Variants in BICRAL observed in about 807,000 individuals in gnomAD.
BICRAL encodes BICRA like chromatin remodeling complex associated protein.
Under a neutral mutation model 91.8 loss-of-function variants are expected in BICRAL, and 8 were observed. The ratio of observed to expected loss-of-function variants is 0.09; its 90% CI spans 0.05 to 0.16. The LOEUF is 0.16. BICRAL is among the 10% of genes least tolerant of loss of function. The pLI is 1.00. For synonymous variants in BICRAL, 445 were observed against 491.1 expected (o/e 0.91, Z 1.24); for missense variants, 1,038 against 1,310.9 (o/e 0.79, Z 3.21).
At chr6:42,835,881 G>A (rs1764622881) in intron 6 of BICRAL, among the ~76,000 whole-genome samples, 1 of 152,206 alleles carries the variant, frequency 6.6e-6, no homozygotes, top group African/African-American at 2.4e-5. Context: ...CACTGAGGGT[G>A]ATGGCACCAC....
intron 6 of BICRAL, among the ~76,000 whole-genome samples, chr6:42,842,791 T>C (rs1156580650): frequency 6.6e-6 from 1 of 152,086 alleles, no homozygotes; most frequent in Admixed American, 6.6e-5. Context: ...ACCTACCACA[T>C]GCCAGCCCCA....
rs1204383432 is a variant in BICRAL, at chr6:42,867,930, T to A, written c.*2484T>A. ...CTCCTGTGATTAGGTTCTACGCACATGGGTCATAACTCGCATGTCGAGCCC... is the reference window on the plus strand; with the variant it reads ...CTCCTGTGATTAGGTTCTACGCACAAGGGTCATAACTCGCATGTCGAGCCC... On this transcript the variant is annotated 3_prime_UTR_variant, in exon 13 of 13. Transcript: ENST00000314073. 1 of 152,580 alleles carries A rather than the reference T, an allele frequency of 6.6e-6. No individual in the cohort carries two copies. The highest frequency in any genetic ancestry group is 1.5e-5 in the Non-Finnish European group (1 of 68,028). The allele number at this position is 152,580 out of a possible 1,614,324, so 9.5% of individuals were successfully genotyped here.
At chr6:42,800,336 T>A (rs6458309) in intron 1 of BICRAL, among the ~76,000 whole-genome samples, 69,881 of 151,568 alleles carry the variant, frequency 0.46, 17,348 homozygotes, top group African/African-American at 0.65. Flanking sequence ...GTGATTTTTT[T>A]AATTTTTAGT....
Position 42,812,998 on chromosome 6 carries a change from GCACTGCTGCTTGGGCAGCAGAGCAAA to G in BICRAL, c.-6+2598_-6+2623del, listed in dbSNP as rs568475669. 2.2e-3 allele frequency among the ~76,000 whole-genome samples: 334 copies of G among 152,308 alleles called. 4 individuals carry two copies. The highest frequency in any genetic ancestry group is 7.8e-3 in the African/African-American group (325 of 41,564). On this transcript the variant is annotated intron_variant, in intron 2 of 12. Transcript: ENST00000314073. ...TGCAATCCGCTGTGATCCTGCCACT[GCACTGCTGCTTGGGCAGCAGAGCAAA>G]ACCCTGTCTCAAGAAAATTAGTAAA...
rs1199307376 is a variant in BICRAL, at chr6:42,808,564, A to G, written c.-101-1742A>G. On this transcript the variant is annotated intron_variant, in intron 1 of 12. Transcript: ENST00000314073. ...CCATTGTTGATGATCATTCCTTTAT[A>G]ATAGATGACAAGTCATGGACTTCTG... Among the ~76,000 whole-genome samples, 4 of 152,152 alleles carry G rather than the reference A, an allele frequency of 2.6e-5. No homozygotes were observed. The East Asian group carries it at 5.8e-4, about 22-fold the overall frequency.
intron 2 of BICRAL, among the ~76,000 whole-genome samples, chr6:42,813,894 A>T (rs752994335): frequency 6.6e-6 from 1 of 152,128 alleles, no homozygotes; most frequent in African/African-American, 2.4e-5. Flanking sequence ...ATATTAAAGG[A>T]TTCCTTTCAG....
intron 1 of BICRAL, among the ~76,000 whole-genome samples, chr6:42,754,728 C>T (rs1369881509): frequency 2.0e-5 from 3 of 151,810 alleles, no homozygotes; most frequent in Non-Finnish European, 4.4e-5. Context: ...CCTGTCTCTA[C>T]AAAAAAATGT....
Position 42,866,690 on chromosome 6 carries a change from A to T in BICRAL, c.*1244A>T. 3 of 400,488 alleles carry T rather than the reference A, an allele frequency of 7.5e-6. No individual in the cohort carries two copies. Among genetic ancestry groups the T allele is most frequent in the Non-Finnish European group, 1.5e-5 (3 of 200,308 alleles). 24.8% of individuals were successfully genotyped at this position (400,488 alleles called of 1,614,324 possible). A position where few individuals can be genotyped will look rare whatever the true frequency, so the allele number is the denominator to read the frequency against. On this transcript the variant is annotated 3_prime_UTR_variant, in exon 13 of 13. Coordinates refer to ENST00000314073, the MANE Select transcript of BICRAL (RefSeq NM_001393499.1). Reference sequence around the variant, plus strand: ...GATTCCCATTTGAGAGCCAAAGGATATGCCCTGTCATGGTTTCTGTTTGGC... The same window carrying T: ...GATTCCCATTTGAGAGCCAAAGGATTTGCCCTGTCATGGTTTCTGTTTGGC...
chr6:42,748,965 C>T (rs895167978), intron 1 of BICRAL, among the ~76,000 whole-genome samples: 2 of 152,018 alleles, frequency 1.3e-5, no homozygotes, highest in Admixed American at 6.6e-5. Flanking sequence ...GAATGCATTA[C>T]GGGGGAAATG....
chr6:42,789,671 A>G (rs1763211650), intron 1 of BICRAL, among the ~76,000 whole-genome samples: 2 of 151,972 alleles, frequency 1.3e-5, no homozygotes, highest in African/African-American at 4.8e-5. Flanking sequence ...GAACACTTAA[A>G]TATTTGTGGC....
At chr6:42,779,945 G>A (rs1762862989), upstream of BICRAL, among the ~76,000 whole-genome samples, 1 of 151,852 alleles carries the variant, frequency 6.6e-6, no homozygotes, top group Non-Finnish European at 1.5e-5. Context: ...TTAGAGACAG[G>A]GTCTCACTCT....
intron 6 of BICRAL, among the ~76,000 whole-genome samples, chr6:42,841,550 C>T (rs1303593323): frequency 6.6e-6 from 1 of 152,124 alleles, no homozygotes; most frequent in Non-Finnish European, 1.5e-5. Flanking sequence ...TCCCTATCCC[C>T]CTTGTAGCTC....
intron 1 of BICRAL, among the ~76,000 whole-genome samples, chr6:42,769,686 C>T (rs74414281): frequency 0.012 from 1,807 of 152,258 alleles, 36 homozygotes; most frequent in African/African-American, 0.04. Flanking sequence ...CTCTGCCCAC[C>T]GACCTTCCAT....
At chr6:42,795,793 T>A (rs1424735482) in intron 1 of BICRAL, among the ~76,000 whole-genome samples, 2 of 152,238 alleles carry the variant, frequency 1.3e-5, no homozygotes, top group African/African-American at 2.4e-5. Flanking sequence ...CTAAGCGGAA[T>A]GTCTTGTTTT....
intron 1 of BICRAL, among the ~76,000 whole-genome samples, chr6:42,763,470 C>G (rs978296686): frequency 6.6e-6 from 1 of 152,138 alleles, no homozygotes; most frequent in African/African-American, 2.4e-5. Flanking sequence ...AGGTTATCTT[C>G]TTTAGGTAGG....
At chr6:42,791,915 A>G (rs996784022) in intron 1 of BICRAL, among the ~76,000 whole-genome samples, 2 of 152,238 alleles carry the variant, frequency 1.3e-5, no homozygotes, top group Non-Finnish European at 2.9e-5. Context: ...CACCTAGGCT[A>G]TATGATATAG....
intron 6 of BICRAL, among the ~76,000 whole-genome samples, chr6:42,850,298 T>C (rs991735582): frequency 6.6e-6 from 1 of 152,042 alleles, no homozygotes; most frequent in Non-Finnish European, 1.5e-5. Flanking sequence ...GGTGGGCAGA[T>C]CACCTGAGGT....
chr6:42,790,227 A>G (rs1358230463), intron 1 of BICRAL, among the ~76,000 whole-genome samples: 1 of 152,058 alleles, frequency 6.6e-6, no homozygotes, highest in East Asian at 1.9e-4. Flanking sequence ...GTACAATTGT[A>G]GCTCACTGCA....
Position 42,807,444 on chromosome 6 carries a change from A to G in BICRAL, c.-101-2862A>G, listed in dbSNP as rs1049505288. On this transcript the variant is annotated intron_variant, in intron 1 of 12. Transcript: ENST00000314073. ...GTGATCCGTCCGTCTCAGCCTCCCAAAGTGTTGGGATTACAGGCATGAGCT... is the reference window on the plus strand; with the variant it reads ...GTGATCCGTCCGTCTCAGCCTCCCAGAGTGTTGGGATTACAGGCATGAGCT... 2.0e-5 allele frequency among the ~76,000 whole-genome samples: 3 copies of G among 151,942 alleles called. No individual in the cohort carries two copies. In the South Asian group the frequency reaches 6.3e-4, roughly 32 times the overall value.
Sources: gnomAD v4.1 joint callset for allele counts (sites outside exome capture counted in the v4.1 genomes callset) on GRCh38, gnomAD v4.1.1 for gene constraint, MANE v1.5 for transcripts, NCBI Gene and HGNC (gene_info 2026-07-23, HGNC 2026-07-21) for gene names.